SLC4A10: variants seen among roughly 807,000 people sequenced by gnomAD.
SLC4A10 encodes solute carrier family 4 member 10.
Under a neutral mutation model 137.7 loss-of-function variants are expected in SLC4A10, and 42 were observed. The ratio of observed to expected loss-of-function variants is 0.30; its 90% CI spans 0.24 to 0.39. The LOEUF (loss-of-function observed/expected upper bound fraction) is 0.39, where lower values mean the gene tolerates loss of function less well. Ranked by LOEUF, SLC4A10 falls within the 10% of genes least tolerant of loss-of-function variation. The probability of loss-of-function intolerance (pLI) is 1.00; values close to 1 mark genes in which losing one functional copy is unlikely to be tolerated. For synonymous variants in SLC4A10, 474 were observed against 464.1 expected (o/e 1.02, Z -0.27); for missense variants, 925 against 1,355.0 (o/e 0.68, Z 4.98).
intron 4 of SLC4A10, among the ~76,000 whole-genome samples, chr2:161,843,212 C>T (rs2059292147): frequency 6.6e-6 from 1 of 151,942 alleles, no homozygotes; most frequent in African/African-American, 2.4e-5. Context: ...TGTAACTTGC[C>T]CACTCTCATA....
intron 1 of SLC4A10, among the ~76,000 whole-genome samples, chr2:161,699,230 G>C (rs181138431): frequency 2.0e-5 from 3 of 151,928 alleles, no homozygotes. Context: ...CTGTGTTAGC[G>C]AAGATGGTCT....
chr2:161,804,345 C>T, intron 2 of SLC4A10, 104 bp from the exon 3 acceptor site: 1 of 1,264,188 alleles, frequency 7.9e-7, no homozygotes, highest in Non-Finnish European at 1.1e-6. Flanking sequence ...TCAAAAATGA[C>T]TTGCTGAATT....
chr2:161,691,526 A>T (rs960132630), intron 1 of SLC4A10, among the ~76,000 whole-genome samples: 3 of 152,152 alleles, frequency 2.0e-5, no homozygotes, highest in African/African-American at 7.2e-5. Context: ...CCCATTTTCT[A>T]TAATGTTATT....
chr2:161,873,401 C>G (rs781123148), intron 7 of SLC4A10, among the ~76,000 whole-genome samples: 1 of 151,464 alleles, frequency 6.6e-6, no homozygotes, highest in African/African-American at 2.4e-5. Flanking sequence ...TGTGGTGGCG[C>G]GTGCCTGTGG....
chr2:161,748,120 G>A lies in SLC4A10; in HGVS notation c.49-22853G>A, dbSNP rs182945494. Among the ~76,000 whole-genome samples, 29 of 152,116 alleles carry A rather than the reference G, an allele frequency of 1.9e-4. 1 individual carries two copies. Among genetic ancestry groups the A allele is most frequent in the Admixed American group, 1.6e-3 (25 of 15,268 alleles). On this transcript the variant is annotated intron_variant, in intron 1 of 26. Transcript: ENST00000446997. ...TCATTTTAAAATTGAGTTATTTGGGGGGTTTTTGCTATTGAGTTGTGTAAG... is the reference window on the plus strand; with the variant it reads ...TCATTTTAAAATTGAGTTATTTGGGAGGTTTTTGCTATTGAGTTGTGTAAG...
At chr2:161,626,464 G>C (rs974845678) in intron 1 of SLC4A10, among the ~76,000 whole-genome samples, 3 of 152,046 alleles carry the variant, frequency 2.0e-5, no homozygotes, top group African/African-American at 7.2e-5. Flanking sequence ...GCATGTCATG[G>C]GGTTAATGGT....
intron 1 of SLC4A10, among the ~76,000 whole-genome samples, chr2:161,671,833 T>C (rs971411516): frequency 7.9e-5 from 12 of 152,198 alleles, no homozygotes; most frequent in African/African-American, 2.9e-4. Context: ...GAAAATTATC[T>C]CTGATATCAA....
intron 1 of SLC4A10, among the ~76,000 whole-genome samples, chr2:161,726,770 G>A (rs754822137): frequency 1.1e-4 from 17 of 152,118 alleles, no homozygotes; most frequent in Admixed American, 2.6e-4. Flanking sequence ...TTAACTAGGT[G>A]TGGTGGCACA....
intron 11 of SLC4A10, among the ~76,000 whole-genome samples, chr2:161,900,467 T>G (rs1488250637): frequency 6.6e-6 from 1 of 152,078 alleles, no homozygotes; most frequent in East Asian, 1.9e-4. Context: ...CCTACCCACA[T>G]CCTGATCTCT....
At chr2:161,860,560 A>G (rs955299495) in intron 5 of SLC4A10, among the ~76,000 whole-genome samples, 4 of 152,170 alleles carry the variant, frequency 2.6e-5, no homozygotes. Flanking sequence ...CATCTTAGCA[A>G]GGTTTCAGTG....
intron 19 of SLC4A10, among the ~76,000 whole-genome samples, chr2:161,956,411 A>G (rs2105861830): frequency 6.6e-6 from 1 of 152,336 alleles, no homozygotes; most frequent in South Asian, 2.1e-4. Flanking sequence ...AAGGTGGAAC[A>G]TAAAATAGGC....
chr2:161,745,786 G>T (rs1559155745), intron 1 of SLC4A10, among the ~76,000 whole-genome samples: 1 of 152,066 alleles, frequency 6.6e-6, no homozygotes, highest in Non-Finnish European at 1.5e-5. Context: ...TCTGCATTAG[G>T]GGAAACACCA....
At chr2:161,925,261 C>G (rs1184755360) in intron 15 of SLC4A10, among the ~76,000 whole-genome samples, 1 of 152,118 alleles carries the variant, frequency 6.6e-6, no homozygotes, top group South Asian at 2.1e-4. Context: ...CAGCTTCTTC[C>G]TGGTTTAGTC....
rs2061596511 is a variant in SLC4A10 at position 161,879,054 on chromosome 2, T to C, written c.949-77T>C. 6 of 1,312,638 alleles carry C rather than the reference T, an allele frequency of 4.6e-6. No individual in the cohort carries two copies. The Admixed American group carries it at 1.2e-4, about 25-fold the overall frequency. 81.3% of individuals were successfully genotyped at this position (1,312,638 alleles called of 1,614,324 possible). On this transcript the variant is annotated intron_variant, in intron 8 of 26. Transcript: ENST00000446997. ...ATATTTATTCATGGATTACTATATG[T>C]GAAGCACTGTGCAAGAATATGATTT... is the stretch of plus-strand genomic sequence containing the variant.
chr2:161,714,020 T>A (rs1056888761), intron 1 of SLC4A10, among the ~76,000 whole-genome samples: 2 of 151,792 alleles, frequency 1.3e-5, no homozygotes, highest in East Asian at 3.9e-4. Flanking sequence ...ATAAAAAGTA[T>A]GTCAGAAGTA....
intron 26 of SLC4A10, among the ~76,000 whole-genome samples, chr2:161,982,519 G>C (rs899915632): frequency 6.6e-6 from 1 of 152,084 alleles, no homozygotes; most frequent in Non-Finnish European, 1.5e-5. Context: ...TTAATGAGAG[G>C]GTGAGATTAA....
intron 10 of SLC4A10, among the ~76,000 whole-genome samples, chr2:161,893,677 A>G (rs1046499457): frequency 1.3e-5 from 2 of 152,042 alleles, no homozygotes; most frequent in Admixed American, 6.6e-5. Flanking sequence ...TCCAGCCTGC[A>G]TGACAGAGTG....
chr2:161,830,208 C>T (rs1427731009), intron 3 of SLC4A10, among the ~76,000 whole-genome samples: 1 of 150,462 alleles, frequency 6.6e-6, no homozygotes, highest in African/African-American at 2.4e-5. Context: ...TTATTGAGTT[C>T]AGTAAAGAAT....
intron 1 of SLC4A10, among the ~76,000 whole-genome samples, chr2:161,627,359 C>T (rs2032607204): frequency 6.6e-6 from 1 of 151,860 alleles, no homozygotes; most frequent in South Asian, 2.1e-4. Flanking sequence ...GAAAACTTTG[C>T]AGTATGCTTG....
Sources: allele counts gnomAD v4.1 joint callset (sites outside exome capture counted in the v4.1 genomes callset), GRCh38; gene constraint gnomAD v4.1.1; transcripts MANE v1.5; gene names NCBI Gene and HGNC (gene_info 2026-07-23, HGNC 2026-07-21).